Variants in KCTD16 observed in about 807,000 individuals in gnomAD.
KCTD16 encodes potassium channel tetramerization domain containing 16, also known as BTB/POZ domain-containing protein KCTD16.
Under a neutral mutation model 33.2 loss-of-function variants are expected in KCTD16, and 13 were observed. The observed-to-expected ratio is 0.39, with a 90% CI of 0.25 to 0.62. The LOEUF (loss-of-function observed/expected upper bound fraction) is 0.62, where lower values mean the gene tolerates loss of function less well. Ranked by LOEUF, KCTD16 falls within the 20% of genes least tolerant of loss-of-function variation. The pLI, the probability that KCTD16 is intolerant of heterozygous loss-of-function variation, is 0.50. For missense variants in KCTD16, 441 were observed against 525.1 expected (o/e 0.84, Z 1.57); for synonymous variants, 197 against 195.3 (o/e 1.01, Z -0.07).
At chr5:144,240,411 T>A (rs2126821037) in intron 3 of KCTD16, among the ~76,000 whole-genome samples, 1 of 152,232 alleles carries the variant, frequency 6.6e-6, no homozygotes, top group African/African-American at 2.4e-5. Flanking sequence ...TTTTAAAATT[T>A]TGAGATAATG....
chr5:144,319,788 A>G (rs1752024761), intron 3 of KCTD16, among the ~76,000 whole-genome samples: 1 of 152,194 alleles, frequency 6.6e-6, no homozygotes, highest in Non-Finnish European at 1.5e-5. Context: ...TTGAGTAAAA[A>G]TGGCTCTGAT....
At chr5:144,177,379 T>C (rs1321288134) in intron 2 of KCTD16, among the ~76,000 whole-genome samples, 1 of 152,210 alleles carries the variant, frequency 6.6e-6, no homozygotes, top group Non-Finnish European at 1.5e-5. Context: ...TTCCTAGGGA[T>C]GCTGTAACAA....
intron 3 of KCTD16, among the ~76,000 whole-genome samples, chr5:144,418,093 G>C (rs1174583709): frequency 6.6e-6 from 1 of 152,150 alleles, no homozygotes; most frequent in Non-Finnish European, 1.5e-5. Context: ...GTCTGGAGTT[G>C]TTCGTTCCTC....
At chr5:144,361,894 G>A (rs987026435) in intron 3 of KCTD16, among the ~76,000 whole-genome samples, 1 of 145,520 alleles carries the variant, frequency 6.9e-6, no homozygotes, top group African/African-American at 2.6e-5. Context: ...TTGTTATGAG[G>A]CTGGTGTTAT....
intron 3 of KCTD16, among the ~76,000 whole-genome samples, chr5:144,466,464 G>A (rs868337297): frequency 1.6e-4 from 25 of 152,074 alleles, no homozygotes; most frequent in African/African-American, 5.5e-4. Flanking sequence ...AATGATAAAA[G>A]ACCTCAGAAA....
At chr5:144,370,042 G>A (rs537732450) in intron 3 of KCTD16, among the ~76,000 whole-genome samples, 6 of 152,112 alleles carry the variant, frequency 3.9e-5, no homozygotes, top group Admixed American at 3.9e-4. Flanking sequence ...AACATATGGG[G>A]GTACAAAGAT....
chr5:144,242,866 T>G (rs1193365122), intron 3 of KCTD16, among the ~76,000 whole-genome samples: 1 of 152,202 alleles, frequency 6.6e-6, no homozygotes, highest in South Asian at 2.1e-4. Flanking sequence ...TCTAACCCCA[T>G]GACCTAAGAC....
At position 144,341,065 on chromosome 5, in the gene KCTD16, C is replaced by A. The variant is rs375016385; in HGVS notation, c.833-132595C>A. Among the ~76,000 whole-genome samples, 756 of 151,990 alleles carry A rather than the reference C, an allele frequency of 5.0e-3. 4 individuals carry two copies. The highest frequency in any genetic ancestry group is 7.2e-3 in the Non-Finnish European group (492 of 67,924). ...TGTCTCAAAAAAACAAACAAAAAAA[C>A]AAAAAACAAAAAAACTGAATCTGAT... On this transcript the variant is annotated intron_variant, in intron 3 of 3. Transcript: ENST00000512467.
At chr5:144,186,807 A>G (rs560764425) in intron 2 of KCTD16, among the ~76,000 whole-genome samples, 1 of 152,316 alleles carries the variant, frequency 6.6e-6, no homozygotes, top group Admixed American at 6.5e-5. Flanking sequence ...TTCTGGCCTC[A>G]GTTTTCTCAG....
At chr5:144,305,394 T>C (rs1751574474) in intron 3 of KCTD16, among the ~76,000 whole-genome samples, 1 of 152,182 alleles carries the variant, frequency 6.6e-6, no homozygotes, top group African/African-American at 2.4e-5. Flanking sequence ...AAGAAGTGAC[T>C]AAGTTAAAAT....
At chr5:144,397,452 C>G (rs897257660) in intron 3 of KCTD16, among the ~76,000 whole-genome samples, 8 of 152,114 alleles carry the variant, frequency 5.3e-5, no homozygotes, top group Non-Finnish European at 1.2e-4. Context: ...AATGGGATGG[C>G]TGGGTCAAAT....
chr5:144,209,003 C>G (rs897391382), intron 3 of KCTD16, among the ~76,000 whole-genome samples: 1 of 152,080 alleles, frequency 6.6e-6, no homozygotes, highest in African/African-American at 2.4e-5. Context: ...GGCTTTTTAG[C>G]TTTCTATAAA....
At chr5:144,382,154 C>A (rs1048939131) in intron 3 of KCTD16, among the ~76,000 whole-genome samples, 2 of 152,112 alleles carry the variant, frequency 1.3e-5, no homozygotes, top group South Asian at 2.1e-4. Context: ...AACAGAAAAT[C>A]AAATACTACA....
At chr5:144,230,099 G>A (rs144068311) in intron 3 of KCTD16, among the ~76,000 whole-genome samples, 11 of 152,258 alleles carry the variant, frequency 7.2e-5, no homozygotes, top group South Asian at 4.1e-4. Flanking sequence ...CCAAGATCAC[G>A]CCACTGTACT....
intron 3 of KCTD16, among the ~76,000 whole-genome samples, chr5:144,280,912 G>A (rs948947445): frequency 2.6e-5 from 4 of 151,598 alleles, no homozygotes; most frequent in East Asian, 2.0e-4. Context: ...AAAATTAGCC[G>A]GGCGTGGTGG....
In KCTD16 at chr5:144,215,303, C is replaced by A. The variant is rs192569624; in HGVS notation, c.832+7757C>A. Among the ~76,000 whole-genome samples the A allele has an allele frequency of 5.4e-3, 820 of 152,224 alleles. 2 individuals are homozygous for A. The highest frequency in any genetic ancestry group is 0.017 in the Middle Eastern group (5 of 294). ...GATGTGACCAGGGTTTAAGGAGCAA[C>A]CCAGGATTCAGAAAAGTGCTGCAAA... On this transcript the variant is annotated intron_variant, in intron 3 of 3. Coordinates refer to ENST00000512467, the MANE Select transcript of KCTD16 (RefSeq NM_020768.4).
chr5:144,349,256 C>T (rs1752885472), intron 3 of KCTD16, among the ~76,000 whole-genome samples: 2 of 152,132 alleles, frequency 1.3e-5, no homozygotes, highest in Admixed American at 1.3e-4. Flanking sequence ...CATGTGTGGC[C>T]TCTGTAATTC....
rs1052205871 is a variant in KCTD16 at position 144,170,903 on chromosome 5, C to G, written c.-599C>G. On this transcript the variant is annotated 5_prime_UTR_variant, in exon 1 of 4. Coordinates refer to ENST00000512467, the MANE Select transcript of KCTD16 (RefSeq NM_020768.4). ...TAGGTGATGGAGGAAGACTGGGAGG[C>G]GCTAAAATGAGACAGACGGAGTCCC... The G allele has an allele frequency of 4.6e-5, 7 of 152,192 alleles. No individual in the cohort carries two copies. The East Asian group carries it at 5.8e-4, about 13-fold the overall frequency. 9.4% of individuals were successfully genotyped at this position (152,192 alleles called of 1,614,324 possible).
intron 3 of KCTD16, among the ~76,000 whole-genome samples, chr5:144,263,803 G>C (rs1422200613): frequency 6.6e-6 from 1 of 152,192 alleles, no homozygotes; most frequent in African/African-American, 2.4e-5. Flanking sequence ...CCACAGTTCT[G>C]GAAGCTGGGA....
Sources: gnomAD v4.1 joint callset for allele counts (sites outside exome capture counted in the v4.1 genomes callset) on GRCh38, gnomAD v4.1.1 for gene constraint, MANE v1.5 for transcripts, NCBI Gene and HGNC (gene_info 2026-07-23, HGNC 2026-07-21) for gene names.